Variants in ADAMTS19 observed in about 807,000 individuals in gnomAD.
The protein encoded by ADAMTS19 is A disintegrin and metalloproteinase with thrombospondin motifs 19.
ADAMTS19 carries 93 observed loss-of-function variants against 153.3 expected under a neutral mutation model. That is an observed-to-expected ratio of 0.61 (90% CI 0.51 to 0.72). The LOEUF (loss-of-function observed/expected upper bound fraction) is 0.72. ADAMTS19 is among the 30% of genes least tolerant of loss of function. The pLI is 0.00. For synonymous variants in ADAMTS19, 600 were observed against 556.6 expected, an observed-to-expected ratio of 1.08 and a Z score of -1.10; for missense variants, 1,482 against 1,552.1, an observed-to-expected ratio of 0.95 and a Z score of 0.76.
chr5:129,635,575 AT>A (rs1752497855), intron 10 of ADAMTS19, among the ~76,000 whole-genome samples: 1 of 152,240 alleles, frequency 6.6e-6, no homozygotes, highest in Non-Finnish European at 1.5e-5. Context: ...CTATGCAGCC[AT>A]AAAAAATGAG....
intron 7 of ADAMTS19, among the ~76,000 whole-genome samples, chr5:129,588,635 T>G (rs1749940846): frequency 6.6e-6 from 1 of 151,782 alleles, no homozygotes; most frequent in Non-Finnish European, 1.5e-5. Context: ...CAAATACTTC[T>G]TATAATTATA....
At chr5:129,726,964 TTTTGC>T (rs1757235498) in intron 21 of ADAMTS19, among the ~76,000 whole-genome samples, 5 of 152,282 alleles carry the variant, frequency 3.3e-5, no homozygotes, top group Admixed American at 3.3e-4. Context: ...TTCTTGTCTG[TTTTGC>T]TTACTATTAC....
chr5:129,564,934 A>G (rs1324488952), intron 7 of ADAMTS19, among the ~76,000 whole-genome samples: 1 of 152,200 alleles, frequency 6.6e-6, no homozygotes, highest in African/African-American at 2.4e-5. Flanking sequence ...GTAAACATAT[A>G]TTTTGTAGTT....
chr5:129,492,506 A>AGTGTGTGT (rs148015134), intron 2 of ADAMTS19, among the ~76,000 whole-genome samples: 5,567 of 146,380 alleles, frequency 0.038, 166 homozygotes, highest in African/African-American at 0.073. Flanking sequence ...ATTAAAGGTC[A>AGTGTGTGT]GTGTGTGTGT....
intron 18 of ADAMTS19, among the ~76,000 whole-genome samples, chr5:129,685,609 C>A (rs755134346): frequency 6.6e-6 from 1 of 152,068 alleles, no homozygotes; most frequent in South Asian, 2.1e-4. Flanking sequence ...GCTCCAAAGA[C>A]TGTGTGGATG....
intron 2 of ADAMTS19, among the ~76,000 whole-genome samples, chr5:129,492,130 A>G (rs1379781548): frequency 1.3e-5 from 2 of 152,204 alleles, no homozygotes; most frequent in Non-Finnish European, 2.9e-5. Context: ...CAATCATGGC[A>G]GAAGGTGAAG....
intron 2 of ADAMTS19, among the ~76,000 whole-genome samples, chr5:129,496,647 A>G (rs1750935566): frequency 1.3e-5 from 2 of 151,812 alleles, no homozygotes; most frequent in Non-Finnish European, 2.9e-5. Flanking sequence ...ACAGCTGTGC[A>G]GCTTTCTCAG....
Position 129,509,158 on chromosome 5 carries a change from C to A in ADAMTS19, c.829C>A (p.Arg277Ser), listed in dbSNP as rs756324083. 8.1e-6 allele frequency: 13 copies of A among 1,612,082 alleles called. No homozygotes were observed. Among genetic ancestry groups the A allele is most frequent in the Non-Finnish European group, 1.1e-5 (13 of 1,178,746 alleles). ...AATGGCCATAACAGGTCACCCACACCGTGTATATAGGCAGAAAAGGTCCAT... is the reference window on the plus strand; with the variant it reads ...AATGGCCATAACAGGTCACCCACACAGTGTATATAGGCAGAAAAGGTCCAT... ...DTMAITGHPH[R>S]VYRQKRSMEE... The change falls in exon 3 of 23, where the codon CGT becomes AGT. Residue 277 changes from arginine to serine, a missense_variant. By Grantham distance (110) the Arg-to-Ser change is moderately radical. This residue lies in a region of ADAMTS19 where 866 missense variants were observed against 827.7 expected (regional missense o/e 1.05). Coordinates refer to ENST00000274487, the MANE Select transcript of ADAMTS19 (RefSeq NM_133638.6).
chr5:129,658,765 A>G, intron 15 of ADAMTS19, 28 bp downstream of exon 15: 5 of 1,587,426 alleles, frequency 3.1e-6, no homozygotes, highest in Non-Finnish European at 4.3e-6. Context: ...TTTCATAAAT[A>G]TTAATCCCTG....
chr5:129,574,689 A>G (rs1754038496), intron 7 of ADAMTS19, among the ~76,000 whole-genome samples: 1 of 152,100 alleles, frequency 6.6e-6, no homozygotes, highest in Non-Finnish European at 1.5e-5. Context: ...ATTTATAATA[A>G]GCCTGTTTTG....
intron 2 of ADAMTS19, among the ~76,000 whole-genome samples, chr5:129,464,400 C>A (rs2126638212): frequency 6.6e-6 from 1 of 152,230 alleles, no homozygotes; most frequent in East Asian, 1.9e-4. Flanking sequence ...GAGTTTGCAA[C>A]AATTATTTTC....
At chr5:129,581,172 T>A (rs532529781) in intron 7 of ADAMTS19, among the ~76,000 whole-genome samples, 1 of 152,218 alleles carries the variant, frequency 6.6e-6, no homozygotes, top group Admixed American at 6.5e-5. Context: ...GGAGGGTGTA[T>A]GTGTCCAGGA....
chr5:129,582,773 T>C (rs1749584831), intron 7 of ADAMTS19, among the ~76,000 whole-genome samples: 1 of 150,850 alleles, frequency 6.6e-6, no homozygotes, highest in Admixed American at 6.6e-5. Flanking sequence ...TAGTAGACCA[T>C]GTTAGCCAGG....
At chr5:129,591,447 C>T (rs956845402) in intron 7 of ADAMTS19, among the ~76,000 whole-genome samples, 1 of 151,934 alleles carries the variant, frequency 6.6e-6, no homozygotes, top group African/African-American at 2.4e-5. Flanking sequence ...CATGCACCAC[C>T]ACGCCTGGTT....
intron 7 of ADAMTS19, among the ~76,000 whole-genome samples, chr5:129,571,821 G>A (rs542388620): frequency 6.6e-6 from 1 of 151,374 alleles, no homozygotes; most frequent in Non-Finnish European, 1.5e-5. Flanking sequence ...ATAAATCAAT[G>A]GACCAAAATA....
intron 2 of ADAMTS19, among the ~76,000 whole-genome samples, chr5:129,469,922 G>T (rs1750006243): frequency 6.6e-6 from 1 of 152,150 alleles, no homozygotes; most frequent in Admixed American, 6.5e-5. Flanking sequence ...GAAGTTTCTG[G>T]ATTATGAGAG....
chr5:129,730,968 GT>G (rs1425670871), intron 21 of ADAMTS19, among the ~76,000 whole-genome samples: 1 of 146,670 alleles, frequency 6.8e-6, no homozygotes. Flanking sequence ...GTTTTGTTTT[GT>G]TTTGTTTGAG....
chr5:129,590,398 T>C (rs928651946), intron 7 of ADAMTS19, among the ~76,000 whole-genome samples: 3 of 152,190 alleles, frequency 2.0e-5, no homozygotes, highest in Non-Finnish European at 2.9e-5. Flanking sequence ...CAGTCTACCA[T>C]GAAGCTAGAA....
intron 2 of ADAMTS19, among the ~76,000 whole-genome samples, chr5:129,469,616 C>G (rs903814925): frequency 1.4e-4 from 21 of 152,112 alleles, no homozygotes; most frequent in African/African-American, 4.6e-4. Flanking sequence ...TTAGAACTCT[C>G]TAGATATTCA....
Sources: allele counts gnomAD v4.1 joint callset (sites outside exome capture counted in the v4.1 genomes callset), GRCh38; gene constraint gnomAD v4.1.1; regional missense constraint gnomAD v4.1.1; transcripts MANE v1.5; gene names NCBI Gene and HGNC (gene_info 2026-07-23, HGNC 2026-07-21).